Variants in ULK4 observed in about 807,000 individuals in gnomAD.
The protein encoded by ULK4 is unc-51 like kinase 4, also known as inactive serine/threonine-protein kinase ULK4.
ULK4 carries 133 observed loss-of-function variants against 160.6 expected under a neutral mutation model. The observed-to-expected ratio is 0.83, with a 90% CI of 0.72 to 0.96. ULK4 has a LOEUF of 0.96. Among genes scored for constraint, ULK4 ranks in the 40% least tolerant of loss-of-function variants. The pLI is 0.00. For missense variants in ULK4, 1,580 were observed against 1,499.5 expected, an observed-to-expected ratio of 1.05 and a Z score of -0.89; for synonymous variants, 534 against 539.8, an observed-to-expected ratio of 0.99 and a Z score of 0.15.
rs2082408808 is a variant in ULK4, at chr3:41,411,503, C to T, written c.3493-13239G>A. Among the ~76,000 whole-genome samples the T allele has an allele frequency of 2.6e-5, 4 of 151,378 alleles. No individual in the cohort carries two copies. In the South Asian group the frequency reaches 8.4e-4, roughly 32 times the overall value. ...AGTGCAGTGGCGCTATCTCAGCTCA[C>T]TGCAACCTCTGCCTCCGGGGTTCAA... On this transcript the variant is annotated intron_variant, in intron 34 of 36. Coordinates refer to ENST00000301831, the MANE Select transcript of ULK4 (RefSeq NM_017886.4).
At chr3:41,567,021 G>A (rs936563132) in intron 31 of ULK4, among the ~76,000 whole-genome samples, 1 of 152,112 alleles carries the variant, frequency 6.6e-6, no homozygotes, top group Non-Finnish European at 1.5e-5. Context: ...CCTGCTCTAC[G>A]TCCTGCGCCC....
intron 1 of ULK4, among the ~76,000 whole-genome samples, chr3:41,956,006 C>G (rs1459271920): frequency 6.6e-6 from 1 of 152,148 alleles, no homozygotes; most frequent in Non-Finnish European, 1.5e-5. Flanking sequence ...CTGTTTCACA[C>G]TGACTTCCTG....
At chr3:41,827,280 G>C (rs1269467688) in intron 18 of ULK4, among the ~76,000 whole-genome samples, 1 of 150,544 alleles carries the variant, frequency 6.6e-6, no homozygotes, top group East Asian at 1.9e-4. Context: ...ACATTCAACA[G>C]CTAGCAGAAG....
chr3:41,645,296 A>T (rs74768771), intron 30 of ULK4, among the ~76,000 whole-genome samples: 55,536 of 150,642 alleles, frequency 0.37, 14,170 homozygotes, highest in African/African-American at 0.73. Flanking sequence ...GGGTGTCAAT[A>T]TTGGATCTTT....
At chr3:41,308,743 G>A (rs1445767857) in intron 35 of ULK4, among the ~76,000 whole-genome samples, 1 of 152,148 alleles carries the variant, frequency 6.6e-6, no homozygotes, top group Non-Finnish European at 1.5e-5. Context: ...ATGTTCAAAG[G>A]AAATGCTCAT....
intron 12 of ULK4, among the ~76,000 whole-genome samples, chr3:41,901,771 G>A (rs897035892): frequency 2.6e-5 from 4 of 151,784 alleles, no homozygotes; most frequent in East Asian, 1.9e-4. Context: ...TGAGCCACGC[G>A]CCTGACCAAC....
chr3:41,471,059 C>CA (rs35682082), intron 32 of ULK4, among the ~76,000 whole-genome samples: 35,091 of 151,564 alleles, frequency 0.23, 4,300 homozygotes, highest in East Asian at 0.54. Flanking sequence ...AACAACAGAA[C>CA]AAAAAACCAC....
At chr3:41,685,160 T>C (rs1470279902) in intron 27 of ULK4, among the ~76,000 whole-genome samples, 1 of 152,238 alleles carries the variant, frequency 6.6e-6, no homozygotes, top group Non-Finnish European at 1.5e-5. Context: ...GAATTTTCCT[T>C]TCTCTGATCT....
intron 32 of ULK4, among the ~76,000 whole-genome samples, chr3:41,485,201 G>A (rs1309674687): frequency 6.6e-6 from 1 of 152,106 alleles, no homozygotes; most frequent in Non-Finnish European, 1.5e-5. Flanking sequence ...TACCCATTTT[G>A]CAAGACTGCT....
At chr3:41,387,203 T>C (rs911167015) in intron 35 of ULK4, among the ~76,000 whole-genome samples, 16 of 152,256 alleles carry the variant, frequency 1.1e-4, no homozygotes, top group African/African-American at 1.9e-4. Flanking sequence ...ATATCTATCA[T>C]TTAAAACATT....
intron 22 of ULK4, among the ~76,000 whole-genome samples, chr3:41,722,444 C>T (rs912550380): frequency 4.6e-5 from 7 of 152,060 alleles, no homozygotes; most frequent in Admixed American, 1.3e-4. Flanking sequence ...GCCTGACCAA[C>T]ATGGAGAAAC....
chr3:41,508,542 A>ACCAAGGAC (rs1311915040), intron 32 of ULK4, among the ~76,000 whole-genome samples: 18 of 151,862 alleles, frequency 1.2e-4, no homozygotes, highest in African/African-American at 4.4e-4. Flanking sequence ...CAAAAATATA[A>ACCAAGGAC]CCAAGGACCC....
At chr3:41,548,327 C>T (rs1331232003) in intron 32 of ULK4, among the ~76,000 whole-genome samples, 2 of 152,040 alleles carry the variant, frequency 1.3e-5, no homozygotes, top group Non-Finnish European at 2.9e-5. Flanking sequence ...CAGGACCCAG[C>T]CTACCCCAAT....
chr3:41,546,691 A>C (rs1330857611), intron 32 of ULK4, among the ~76,000 whole-genome samples: 2 of 150,668 alleles, frequency 1.3e-5, no homozygotes, highest in Admixed American at 6.7e-5. Flanking sequence ...TCACATCCCT[A>C]AACACTGGTC....
intron 30 of ULK4, among the ~76,000 whole-genome samples, chr3:41,645,563 G>C (rs2034447202): frequency 6.6e-6 from 1 of 151,984 alleles, no homozygotes; most frequent in South Asian, 2.1e-4. Context: ...GAGACAGTTT[G>C]TTATAATTTC....
chr3:41,296,752 G>T (rs537077146), intron 35 of ULK4, among the ~76,000 whole-genome samples: 1 of 152,068 alleles, frequency 6.6e-6, no homozygotes, highest in South Asian at 2.1e-4. Context: ...GAGGTGAGGG[G>T]GTCAATGGCA....
At chr3:41,346,854 A>G (rs916067258) in intron 35 of ULK4, among the ~76,000 whole-genome samples, 1 of 152,252 alleles carries the variant, frequency 6.6e-6, no homozygotes, top group Non-Finnish European at 1.5e-5. Flanking sequence ...AGTATAAAGC[A>G]TTTAACATGA....
intron 2 of ULK4, among the ~76,000 whole-genome samples, chr3:41,953,285 C>CACACATATATATATATAT (rs374288098): frequency 6.1e-4 from 52 of 85,868 alleles, no homozygotes; most frequent in Middle Eastern, 6.5e-3. Context: ...CATATATACA[C>CACACATATATATATATAT]ATATATATAT....
intron 35 of ULK4, among the ~76,000 whole-genome samples, chr3:41,295,872 T>C (rs2079658151): frequency 6.6e-6 from 1 of 152,228 alleles, no homozygotes; most frequent in South Asian, 2.1e-4. Context: ...AAGAATGCTC[T>C]TACCTTACTA....
Sources: gnomAD v4.1 joint callset for allele counts (sites outside exome capture counted in the v4.1 genomes callset) on GRCh38, gnomAD v4.1.1 for gene constraint, MANE v1.5 for transcripts, NCBI Gene and HGNC (gene_info 2026-07-23, HGNC 2026-07-21) for gene names.